The following MSH3 variants were observed in gnomAD, a reference collection of about 807,000 sequenced individuals.
MSH3 encodes DNA mismatch repair protein Msh3.
MSH3 carries 106 observed loss-of-function variants against 123.3 expected under a neutral mutation model. The ratio of observed to expected loss-of-function variants is 0.86; its 90% CI spans 0.73 to 1.01. The LOEUF (loss-of-function observed/expected upper bound fraction) is 1.01, where lower values mean the gene tolerates loss of function less well. Among genes scored for constraint, MSH3 ranks in the 50% least tolerant of loss-of-function variants. MSH3 has a pLI of 0.00. For synonymous variants in MSH3, 515 were observed against 481.4 expected (o/e 1.07, Z -0.91); for missense variants, 1,459 against 1,347.6 (o/e 1.08, Z -1.29).
chr5:80,813,587 G>A lies in MSH3; in HGVS notation c.2659G>A (p.Asp887Asn), dbSNP rs546532182. 1.5e-5 allele frequency: 25 copies of A among 1,613,886 alleles called. No individual in the cohort carries two copies. In the African/African-American group the frequency reaches 2.7e-4, roughly 17 times the overall value. ...YVPNNTDLSE[D>N]SERVMIITGP... ...GAAATTCCTTTCTAATTTTCAGGAG[G>A]ACTCAGAGAGAGTAATGATAATTAC... The change falls in exon 20 of 24, where the codon GAC (aspartate) becomes AAC (asparagine). Residue 887 changes from aspartate (D) to asparagine (N), a missense_variant. Asp to Asn is a conservative substitution (Grantham distance 23). Transcript: ENST00000265081.
intron 20 of MSH3, among the ~76,000 whole-genome samples, chr5:80,819,991 G>A (rs955576955): frequency 3.3e-5 from 5 of 152,108 alleles, no homozygotes; most frequent in African/African-American, 9.7e-5. Flanking sequence ...TTTACAATTC[G>A]GTAAGACCAT....
chr5:80,656,076 GTATTT>G (rs1749276859), intron 1 of MSH3, among the ~76,000 whole-genome samples: 1 of 152,110 alleles, frequency 6.6e-6, no homozygotes, highest in Non-Finnish European at 1.5e-5. Flanking sequence ...TTTCTTAGAG[GTATTT>G]TATTTAGCAT....
rs189641018 is a variant in MSH3 at position 80,692,700 on chromosome 5, A to T, written c.1340+13607A>T. Among the ~76,000 whole-genome samples the T allele has an allele frequency of 2.9e-5, 4 of 137,768 alleles. No homozygotes were observed. In the East Asian group the frequency reaches 8.5e-4, roughly 29 times the overall value. 90.4% of individuals were successfully genotyped at this position (137,768 alleles called of 152,430 possible). On this transcript the variant is annotated intron_variant, in intron 8 of 23. Transcript: ENST00000265081. ...TTTATGTTTATATAGATAAATATACATACACATGTATATGTTTATATAGAT... is the reference window on the plus strand; with the variant it reads ...TTTATGTTTATATAGATAAATATACTTACACATGTATATGTTTATATAGAT...
At chr5:80,764,111 C>T (rs1744085302) in intron 13 of MSH3, among the ~76,000 whole-genome samples, 1 of 152,234 alleles carries the variant, frequency 6.6e-6, no homozygotes, top group African/African-American at 2.4e-5. Context: ...CACCATCAAA[C>T]ATATGTCTGT....
chr5:80,827,946 G>T (rs1375639426), intron 20 of MSH3, among the ~76,000 whole-genome samples: 2 of 151,966 alleles, frequency 1.3e-5, no homozygotes, highest in African/African-American at 2.4e-5. Flanking sequence ...AAACTGAGAG[G>T]AAGGTATAGA....
intron 19 of MSH3, among the ~76,000 whole-genome samples, chr5:80,807,060 C>T (rs111653988): frequency 5.1e-4 from 77 of 151,810 alleles, no homozygotes; most frequent in African/African-American, 1.8e-3. Flanking sequence ...GATGTGATGG[C>T]ACCCACCCAT....
chr5:80,654,694 G>A lies in MSH3; in HGVS notation c.-34G>A, dbSNP rs1330803592. 4 of 1,569,396 alleles carry A rather than the reference G, an allele frequency of 2.5e-6. No individual in the cohort carries two copies. Among genetic ancestry groups the A allele is most frequent in the Non-Finnish European group, 2.6e-6 (3 of 1,158,980 alleles). On this transcript the variant is annotated 5_prime_UTR_variant, in exon 1 of 24. Transcript: ENST00000265081. ...GGCCGCGGGCTCGCGCTCCTCGCCA[G>A]GCCCTGCCGCCGGGCTGCCATCCTT...
chr5:80,687,466 C>T (rs1212821187), intron 8 of MSH3, among the ~76,000 whole-genome samples: 1 of 151,856 alleles, frequency 6.6e-6, no homozygotes, highest in East Asian at 1.9e-4. Context: ...ATTTTGCGTT[C>T]AAAGAAATGA....
At chr5:80,846,727 T>C (rs907391345) in intron 20 of MSH3, among the ~76,000 whole-genome samples, 1 of 152,236 alleles carries the variant, frequency 6.6e-6, no homozygotes, top group Non-Finnish European at 1.5e-5. Context: ...GAGCCAGGCA[T>C]GGGAGGGTAT....
intron 21 of MSH3, among the ~76,000 whole-genome samples, chr5:80,861,167 G>T (rs1216120192): frequency 6.6e-6 from 1 of 152,170 alleles, no homozygotes; most frequent in Non-Finnish European, 1.5e-5. Context: ...GTCTGGTTCT[G>T]ATGCTTGCTC....
chr5:80,686,395 C>T (rs894217567), intron 8 of MSH3, among the ~76,000 whole-genome samples: 3 of 150,886 alleles, frequency 2.0e-5, no homozygotes, highest in African/African-American at 4.9e-5. Flanking sequence ...CTCTGCCTCC[C>T]GGGTTTAAGC....
intron 2 of MSH3, 126 bp downstream of exon 2, chr5:80,656,657 T>G: frequency 1.5e-6 from 2 of 1,290,722 alleles, no homozygotes; most frequent in South Asian, 1.3e-5. Flanking sequence ...CTTTTGTTCC[T>G]GAGCAGAGTG....
intron 8 of MSH3, 140 bp downstream of exon 8, chr5:80,679,233 A>G: frequency 1.1e-6 from 1 of 922,470 alleles, no homozygotes; most frequent in Non-Finnish European, 1.7e-6. Context: ...AATTTAAAAA[A>G]AAAAGTAAAA....
At chr5:80,841,377 G>A (rs2112091067) in intron 20 of MSH3, among the ~76,000 whole-genome samples, 1 of 152,318 alleles carries the variant, frequency 6.6e-6, no homozygotes, top group Middle Eastern at 3.4e-3. Flanking sequence ...GTGTGCATGT[G>A]TCTTTATAGC....
chr5:80,675,288 A>G lies in MSH3; in HGVS notation c.1173+160A>G, dbSNP rs944240457. Reference sequence around the variant, plus strand: ...TCACAATATTATATGTTAAATCGCTAGTTACAATTTTCTCATGGCTACTTG... The same window carrying G: ...TCACAATATTATATGTTAAATCGCTGGTTACAATTTTCTCATGGCTACTTG... On this transcript the variant is annotated intron_variant, in intron 7 of 23. Coordinates refer to ENST00000265081, the MANE Select transcript of MSH3 (RefSeq NM_002439.5). 2.0e-5 allele frequency among the ~76,000 whole-genome samples: 3 copies of G among 152,200 alleles called. No homozygotes were observed. In the East Asian group the frequency reaches 5.8e-4, roughly 29 times the overall value.
intron 8 of MSH3, among the ~76,000 whole-genome samples, chr5:80,718,192 A>G (rs1245503422): frequency 6.6e-6 from 1 of 152,134 alleles, no homozygotes. Flanking sequence ...CATTGTTATC[A>G]CCTTCTTAAT....
At chr5:80,817,933 G>A (rs1014165354) in intron 20 of MSH3, among the ~76,000 whole-genome samples, 25 of 152,224 alleles carry the variant, frequency 1.6e-4, no homozygotes, top group African/African-American at 5.3e-4. Context: ...TGAATAGTCG[G>A]GCATGGTGGC....
chr5:80,686,745 T>TTTACCAG (rs1433701481), intron 8 of MSH3, among the ~76,000 whole-genome samples: 14 of 152,226 alleles, frequency 9.2e-5, no homozygotes, highest in African/African-American at 3.4e-4. Flanking sequence ...GGTAAGTAGT[T>TTTACCAG]TCTTGTATCT....
At chr5:80,665,601 T>C (rs1477976298) in intron 3 of MSH3, among the ~76,000 whole-genome samples, 4 of 152,184 alleles carry the variant, frequency 2.6e-5, no homozygotes, top group Non-Finnish European at 4.4e-5. Flanking sequence ...TTCCAGGTAA[T>C]TCTGAGGTAT....
Sources: gnomAD v4.1 joint callset for allele counts (sites outside exome capture counted in the v4.1 genomes callset) on GRCh38, gnomAD v4.1.1 for gene constraint, MANE v1.5 for transcripts, NCBI Gene and HGNC (gene_info 2026-07-23, HGNC 2026-07-21) for gene names.